The following ZDHHC20 variants were observed in gnomAD, a reference collection of about 807,000 sequenced individuals.
The protein encoded by ZDHHC20 is zDHHC palmitoyltransferase 20.
A neutral mutation model predicts 57.8 loss-of-function variants in ZDHHC20; 43 were observed. That is an observed-to-expected ratio of 0.74 (90% CI 0.58 to 0.96). The LOEUF (loss-of-function observed/expected upper bound fraction) is 0.96, where lower values mean the gene tolerates loss of function less well. ZDHHC20 is among the 40% of genes least tolerant of loss of function. The probability of loss-of-function intolerance (pLI) is 0.00; values close to 1 mark genes in which losing one functional copy is unlikely to be tolerated. For synonymous variants in ZDHHC20, 157 were observed against 153.0 expected (o/e 1.03, Z -0.19); for missense variants, 391 against 441.1 (o/e 0.89, Z 1.02).
chr13:21,415,544 C>G (rs1238927021), intron 3 of ZDHHC20, among the ~76,000 whole-genome samples: 1 of 152,056 alleles, frequency 6.6e-6, no homozygotes, highest in Non-Finnish European at 1.5e-5. Context: ...AATGGAGGCC[C>G]CTTATCTAAT....
intron 1 of ZDHHC20, among the ~76,000 whole-genome samples, chr13:21,455,210 C>T (rs1312451146): frequency 6.6e-6 from 1 of 152,078 alleles, no homozygotes; most frequent in Non-Finnish European, 1.5e-5. Context: ...TGAGCCACCA[C>T]GCCTGGCCAA....
chr13:21,422,418 TAA>T (rs1379356146), intron 2 of ZDHHC20, among the ~76,000 whole-genome samples: 3 of 152,142 alleles, frequency 2.0e-5, no homozygotes, highest in Non-Finnish European at 4.4e-5. Flanking sequence ...TCAAATAAAA[TAA>T]TAATAATAAT....
chr13:21,439,901 T>C (rs1454029714), intron 1 of ZDHHC20, among the ~76,000 whole-genome samples: 1 of 151,566 alleles, frequency 6.6e-6, no homozygotes, highest in Admixed American at 6.6e-5. Flanking sequence ...ACCCCATCTC[T>C]ACTAAAAATA....
intron 7 of ZDHHC20, among the ~76,000 whole-genome samples, chr13:21,395,103 G>A (rs1876543438): frequency 6.8e-6 from 1 of 147,746 alleles, no homozygotes; most frequent in East Asian, 2.0e-4. Context: ...GTCTCGATCT[G>A]TAGCCCAGGC....
chr13:21,456,947 G>A (rs1386666302), intron 1 of ZDHHC20, among the ~76,000 whole-genome samples: 1 of 152,036 alleles, frequency 6.6e-6, no homozygotes, highest in African/African-American at 2.4e-5. Context: ...GAAAGATGTG[G>A]GTCACATTCC....
intron 1 of ZDHHC20, among the ~76,000 whole-genome samples, chr13:21,452,941 A>G (rs537382142): frequency 1.3e-5 from 2 of 152,344 alleles, no homozygotes; most frequent in East Asian, 3.9e-4. Flanking sequence ...AGGACAGACA[A>G]TAAAACAAAA....
intron 11 of ZDHHC20, among the ~76,000 whole-genome samples, chr13:21,380,652 C>G (rs1192338113): frequency 6.6e-6 from 1 of 151,478 alleles, no homozygotes; most frequent in African/African-American, 2.4e-5. Context: ...ATTAGCTGGG[C>G]ATGGTGGCAA....
chr13:21,453,028 A>C (rs990608788), intron 1 of ZDHHC20, among the ~76,000 whole-genome samples: 3 of 152,234 alleles, frequency 2.0e-5, no homozygotes, highest in African/African-American at 7.2e-5. Flanking sequence ...TAAAAGGCAG[A>C]GATTTTCAGG....
In ZDHHC20 at chr13:21,448,472, G is replaced by A. The variant is rs1256731296; in HGVS notation, c.118+10582C>T. On this transcript the variant is annotated intron_variant, in intron 1 of 12. Coordinates refer to ENST00000400590, the MANE Select transcript of ZDHHC20 (RefSeq NM_001330059.2). ...CCCGTCCGGGAAGGAGGTGGGGGGG[G>A]TCAGCCCCGCCGCCCGGCCAGCCGC... Among the ~76,000 whole-genome samples, 6 of 97,798 alleles carry A rather than the reference G, an allele frequency of 6.1e-5. 2 individuals are homozygous for A. Among genetic ancestry groups the A allele is most frequent in the African/African-American group, 2.0e-4 (6 of 30,618 alleles). 64.2% of individuals were successfully genotyped at this position (97,798 alleles called of 152,430 possible). A position where few individuals can be genotyped will look rare whatever the true frequency, so the allele number is the denominator to read the frequency against.
In ZDHHC20 at chr13:21,396,689, C is replaced by G. The variant is rs547852040; in HGVS notation, c.594+3684G>C. Among the ~76,000 whole-genome samples, 5 of 151,998 alleles carry G rather than the reference C, an allele frequency of 3.3e-5. No individual in the cohort carries two copies. In the East Asian group the frequency reaches 9.7e-4, roughly 30 times the overall value. ...CTCTACTAAAAATACAAAAATTAAC[C>G]AGGCGTGGTGGTGCATGCCTGTAGT... On this transcript the variant is annotated intron_variant, in intron 7 of 12. Coordinates refer to ENST00000400590, the MANE Select transcript of ZDHHC20 (RefSeq NM_001330059.2).
intron 1 of ZDHHC20, among the ~76,000 whole-genome samples, chr13:21,441,995 G>A (rs966817849): frequency 1.3e-5 from 2 of 152,032 alleles, no homozygotes; most frequent in Non-Finnish European, 2.9e-5. Context: ...TGGTTTTATA[G>A]TGGAATATTA....
chr13:21,432,389 G>T (rs2137961909), intron 1 of ZDHHC20, among the ~76,000 whole-genome samples: 1 of 151,958 alleles, frequency 6.6e-6, no homozygotes, highest in East Asian at 1.9e-4. Flanking sequence ...GTGTGCAGTG[G>T]CGTGATCTCG....
intron 9 of ZDHHC20, among the ~76,000 whole-genome samples, chr13:21,386,188 A>G (rs1254054196): frequency 2.0e-5 from 3 of 152,160 alleles, no homozygotes; most frequent in African/African-American, 7.2e-5. Context: ...AATGAAACAC[A>G]GAAAAAAGAC....
intron 2 of ZDHHC20, among the ~76,000 whole-genome samples, chr13:21,425,389 T>G (rs1273689458): frequency 2.6e-5 from 4 of 152,126 alleles, no homozygotes; most frequent in Non-Finnish European, 5.9e-5. Flanking sequence ...TTTATATAAA[T>G]ACACAAAGAA....
At chr13:21,390,151 C>T (rs1875406285) in intron 8 of ZDHHC20, 1 of 152,166 alleles carries the variant, frequency 6.6e-6, no homozygotes. Context: ...CACCCCAAAT[C>T]CCTTAATTTT....
intron 1 of ZDHHC20, among the ~76,000 whole-genome samples, chr13:21,446,418 G>C (rs959829889): frequency 1.3e-5 from 2 of 152,136 alleles, no homozygotes; most frequent in Non-Finnish European, 2.9e-5. Context: ...CTTCCCAGAA[G>C]ACTTCACATT....
At chr13:21,386,329 A>C (rs1487378547) in intron 9 of ZDHHC20, among the ~76,000 whole-genome samples, 1 of 152,150 alleles carries the variant, frequency 6.6e-6, no homozygotes, top group Non-Finnish European at 1.5e-5. Flanking sequence ...TCCAAATTTG[A>C]TTAAAGCTCT....
At chr13:21,394,209 T>C (rs932728293) in intron 7 of ZDHHC20, among the ~76,000 whole-genome samples, 5 of 152,224 alleles carry the variant, frequency 3.3e-5, no homozygotes, top group African/African-American at 9.6e-5. Context: ...TTTCTGCTCA[T>C]TCTACCCCAG....
At chr13:21,377,960 CTTAT>C (rs2137614296) in intron 12 of ZDHHC20, 2 of 152,298 alleles carry the variant, frequency 1.3e-5, no homozygotes, top group South Asian at 4.1e-4. Context: ...AGATAAACCT[CTTAT>C]TTCTTTCTTA....
Sources: gnomAD v4.1 joint callset for allele counts (sites outside exome capture counted in the v4.1 genomes callset) on GRCh38, gnomAD v4.1.1 for gene constraint, MANE v1.5 for transcripts, NCBI Gene and HGNC (gene_info 2026-07-23, HGNC 2026-07-21) for gene names.